TANC1: variants seen among roughly 807,000 people sequenced by gnomAD.
TANC1 encodes the protein protein TANC1.
TANC1 carries 77 observed loss-of-function variants against 149.7 expected under a neutral mutation model. That is an observed-to-expected ratio of 0.51 (90% CI 0.43 to 0.62). TANC1 has a LOEUF of 0.62. Ranked by LOEUF, TANC1 falls within the 20% of genes least tolerant of loss-of-function variation. The pLI is 0.00. For missense variants in TANC1, 1,985 were observed against 2,321.8 expected, an observed-to-expected ratio of 0.85 and a Z score of 2.98; for synonymous variants, 854 against 925.0, an observed-to-expected ratio of 0.92 and a Z score of 1.39.
chr2:159,037,346 G>A (rs1013200714), intron 2 of TANC1, among the ~76,000 whole-genome samples: 4 of 152,130 alleles, frequency 2.6e-5, no homozygotes, highest in African/African-American at 9.7e-5. Context: ...CTTTTGCTGT[G>A]CAGAAGCTCT....
At chr2:159,054,620 C>T (rs1399590389) in intron 2 of TANC1, among the ~76,000 whole-genome samples, 1 of 152,126 alleles carries the variant, frequency 6.6e-6, no homozygotes, top group Non-Finnish European at 1.5e-5. Context: ...GCTGTCTGAC[C>T]CTTCACTTTG....
chr2:158,989,333 C>T (rs1326724839), intron 1 of TANC1, among the ~76,000 whole-genome samples: 1 of 152,068 alleles, frequency 6.6e-6, no homozygotes, highest in East Asian at 1.9e-4. Context: ...AGGCCAGGCA[C>T]AGTGGCTCAC....
At chr2:159,182,845 G>T (rs2056628182) in intron 14 of TANC1, among the ~76,000 whole-genome samples, 1 of 152,330 alleles carries the variant, frequency 6.6e-6, no homozygotes, top group South Asian at 2.1e-4. Context: ...GGTTGCACAG[G>T]AAGTCTCATC....
chr2:159,140,563 A>T (rs2051246718), intron 5 of TANC1, among the ~76,000 whole-genome samples: 1 of 152,082 alleles, frequency 6.6e-6, no homozygotes, highest in Non-Finnish European at 1.5e-5. Context: ...TCCTGTCTTT[A>T]TGGAGCCTTA....
chr2:159,128,153 A>G (rs1342842945), intron 4 of TANC1, among the ~76,000 whole-genome samples: 3 of 151,964 alleles, frequency 2.0e-5, no homozygotes, highest in African/African-American at 7.3e-5. Context: ...CCTAGATCTC[A>G]CTTGTCTTTG....
At chr2:159,033,229 C>T (rs1262181696) in intron 2 of TANC1, among the ~76,000 whole-genome samples, 4 of 152,074 alleles carry the variant, frequency 2.6e-5, no homozygotes, top group African/African-American at 9.7e-5. Context: ...TGATTTAAGT[C>T]AGGGGCTTGG....
At chr2:158,979,979 G>C (rs1288290957) in intron 1 of TANC1, among the ~76,000 whole-genome samples, 2 of 152,146 alleles carry the variant, frequency 1.3e-5, no homozygotes, top group Admixed American at 1.3e-4. Flanking sequence ...TCTTATTCAG[G>C]GGTTGGTGAA....
chr2:159,178,567 T>C lies in TANC1; in HGVS notation c.1914T>C (p.Ser638=), dbSNP rs2056129504. The part of the protein sequence containing the change: ...TVRANFQEII[S]ALPFVKLSLD... ...GTTTTCTCCCCCAGGAAATCATAAG[T>C]GCGCTGCCATTTGTCAAGCTTTCCT... Residue 638 remains serine, a synonymous_variant, in exon 14 of 27, where the codon AGT becomes AGC. Transcript: ENST00000263635. 2 of 1,577,018 alleles carry C rather than the reference T, an allele frequency of 1.3e-6. No individual in the cohort carries two copies. The highest frequency in any genetic ancestry group is 1.7e-6 in the Non-Finnish European group (2 of 1,162,488).
At chr2:159,186,794 G>A (rs1323403327) in intron 15 of TANC1, 108 bp from the exon 16 acceptor site, 1 of 1,437,342 alleles carries the variant, frequency 7.0e-7, no homozygotes, top group Non-Finnish European at 9.6e-7. Flanking sequence ...GCAGGTATCT[G>A]CACCCTCTGC....
At chr2:159,169,521 A>G in intron 9 of TANC1, 149 bp downstream of exon 9, 1 of 777,692 alleles carries the variant, frequency 1.3e-6, no homozygotes, top group South Asian at 2.2e-5. Flanking sequence ...GAGGTGTGCT[A>G]AGAGGTCATC....
At chr2:158,985,734 C>T (rs1364444475) in intron 1 of TANC1, among the ~76,000 whole-genome samples, 2 of 152,114 alleles carry the variant, frequency 1.3e-5, no homozygotes, top group African/African-American at 4.8e-5. Flanking sequence ...GCCTCCACCT[C>T]CCGGGTTCAA....
chr2:159,186,828 C>T (rs1178607207), intron 15 of TANC1, 74 bp from the exon 16 acceptor site: 1 of 1,592,002 alleles, frequency 6.3e-7, no homozygotes, highest in Non-Finnish European at 8.6e-7. Flanking sequence ...TCAGAGTGAC[C>T]CTGCAGGTGG....
At chr2:159,131,711 C>T (rs1451800764) in intron 4 of TANC1, among the ~76,000 whole-genome samples, 1 of 152,190 alleles carries the variant, frequency 6.6e-6, no homozygotes, top group African/African-American at 2.4e-5. Flanking sequence ...AAACACGTAT[C>T]ATCTGCTCTG....
In TANC1 at chr2:159,225,876, C is replaced by G; in HGVS notation, c.3903+97C>G. The stretch of plus-strand genomic sequence containing the variant: ...CTACAGCTGTGCTACTGCACAGTCT[C>G]CATGTAATAGAAGTGCAAAAAGTGG... On this transcript the variant is annotated intron_variant, in intron 24 of 26. Transcript: ENST00000263635. 5.3e-6 allele frequency: 5 copies of G among 948,766 alleles called. No homozygotes were observed. In the South Asian group the frequency reaches 6.9e-5, roughly 13 times the overall value. The allele number at this position is 948,766 out of a possible 1,614,324, so 58.8% of individuals were successfully genotyped here. A position where few individuals can be genotyped will look rare whatever the true frequency, so the allele number is the denominator to read the frequency against.
intron 1 of TANC1, among the ~76,000 whole-genome samples, chr2:158,988,792 GGT>G (rs2035305346): frequency 6.6e-6 from 1 of 152,224 alleles, no homozygotes; most frequent in South Asian, 2.1e-4. Flanking sequence ...GGTTTTTGCA[GGT>G]GAGGCTCTGT....
intron 5 of TANC1, chr2:159,148,307 TTAAG>T (rs2052369386): frequency 6.6e-6 from 1 of 152,252 alleles, no homozygotes; most frequent in Non-Finnish European, 1.5e-5. Flanking sequence ...TTGGCCATAA[TTAAG>T]TGCCTTTGGG....
chr2:159,174,918 G>A (rs1374456985), intron 11 of TANC1, 35 bp from the exon 12 acceptor site: 1 of 1,525,120 alleles, frequency 6.6e-7, no homozygotes, highest in Non-Finnish European at 9.1e-7. Context: ...GTGTGAAGAG[G>A]GTGAGGTGAT....
At chr2:159,066,104 G>A in intron 3 of TANC1, 133 bp downstream of exon 3, 2 of 740,302 alleles carry the variant, frequency 2.7e-6, no homozygotes, top group South Asian at 1.5e-5. Flanking sequence ...ACAGTGTGCT[G>A]GAGGCTATGA....
At chr2:159,203,272 T>C (rs2058376999) in intron 19 of TANC1, among the ~76,000 whole-genome samples, 1 of 148,554 alleles carries the variant, frequency 6.7e-6, no homozygotes, top group South Asian at 2.1e-4. Flanking sequence ...TGTGGTGCAA[T>C]CTTGGCTCAC....
Sources: allele counts gnomAD v4.1 joint callset (sites outside exome capture counted in the v4.1 genomes callset), GRCh38; gene constraint gnomAD v4.1.1; transcripts MANE v1.5; gene names NCBI Gene and HGNC (gene_info 2026-07-23, HGNC 2026-07-21).